The following SCAPER variants were observed in gnomAD, a reference collection of about 807,000 sequenced individuals.
SCAPER encodes the protein S-phase cyclin A associated protein in the ER.
SCAPER carries 98 observed loss-of-function variants against 182.2 expected under a neutral mutation model. The ratio of observed to expected loss-of-function variants is 0.54; its 90% CI spans 0.46 to 0.64. The LOEUF is 0.64. Among genes scored for constraint, SCAPER ranks in the 30% least tolerant of loss-of-function variants. The pLI, the probability that SCAPER is intolerant of heterozygous loss-of-function variation, is 0.00. For missense variants in SCAPER, 1,432 were observed against 1,690.0 expected (o/e 0.85, Z 2.68); for synonymous variants, 605 against 564.6 (o/e 1.07, Z -1.01).
rs577935876 is a variant in SCAPER at position 76,773,057 on chromosome 15, A to G, written c.1036-1103T>C. ...ATTTAAAGGATATAACATTGTTTAT[A>G]CTGCTATCAACATTATTTATATGTC... On this transcript the variant is annotated intron_variant, in intron 9 of 31. Transcript: ENST00000563290. Among the ~76,000 whole-genome samples, 9 of 152,026 alleles carry G rather than the reference A, an allele frequency of 5.9e-5. No individual in the cohort carries two copies. The East Asian group carries it at 1.7e-3, about 29-fold the overall frequency.
At chr15:76,618,209 G>A (rs994165498) in intron 22 of SCAPER, among the ~76,000 whole-genome samples, 2 of 152,126 alleles carry the variant, frequency 1.3e-5, no homozygotes, top group Non-Finnish European at 2.9e-5. Flanking sequence ...GCAGTGAGTC[G>A]AGATCACGCC....
intron 23 of SCAPER, among the ~76,000 whole-genome samples, chr15:76,552,623 C>T (rs2045873141): frequency 6.6e-6 from 1 of 152,164 alleles, no homozygotes; most frequent in African/African-American, 2.4e-5. Context: ...CCATGGACAC[C>T]TGAGTTGGCA....
intron 21 of SCAPER, among the ~76,000 whole-genome samples, chr15:76,651,610 T>A: frequency 2.6e-5 from 3 of 115,216 alleles, no homozygotes; most frequent in Admixed American, 9.0e-5. Context: ...ATTAAATTAG[T>A]AACAAAGAAC....
At chr15:76,882,755 C>T (rs989330546) in intron 2 of SCAPER, among the ~76,000 whole-genome samples, 5 of 152,194 alleles carry the variant, frequency 3.3e-5, no homozygotes, top group Non-Finnish European at 7.3e-5. Context: ...AGCTCCGCCT[C>T]CCGGGTTCAT....
intron 2 of SCAPER, among the ~76,000 whole-genome samples, chr15:76,883,294 G>T (rs1019293356): frequency 6.6e-6 from 1 of 152,188 alleles, no homozygotes; most frequent in Non-Finnish European, 1.5e-5. Flanking sequence ...TCCTCAATTT[G>T]AGTAGTTTAA....
At chr15:76,596,737 A>G (rs2049530770) in intron 22 of SCAPER, among the ~76,000 whole-genome samples, 1 of 121,452 alleles carries the variant, frequency 8.2e-6, no homozygotes, top group African/African-American at 2.5e-5. Context: ...AGATGCAGAA[A>G]AGGCCTTCGA....
chr15:76,620,519 C>G (rs1298444931), intron 22 of SCAPER, among the ~76,000 whole-genome samples: 1 of 152,096 alleles, frequency 6.6e-6, no homozygotes, highest in African/African-American at 2.4e-5. Context: ...TATTACAATG[C>G]CTAATACTTT....
intron 4 of SCAPER, among the ~76,000 whole-genome samples, chr15:76,849,660 C>T (rs1158749073): frequency 6.6e-6 from 1 of 152,176 alleles, no homozygotes; most frequent in East Asian, 1.9e-4. Flanking sequence ...ACCACACGAC[C>T]AAGGAAGAAG....
chr15:76,405,109 C>CTTTTTTTTTTTTTTTTTTTTTTT (rs35039615), intron 26 of SCAPER, among the ~76,000 whole-genome samples: 1 of 112,418 alleles, frequency 8.9e-6, no homozygotes, highest in Non-Finnish European at 1.8e-5. Flanking sequence ...ACAACTTACA[C>CTTTTTTTTTTTTTTTTTTTTTTT]TTTTTTTTTT....
chr15:76,746,123 G>T (rs1189797260), intron 15 of SCAPER, among the ~76,000 whole-genome samples: 5 of 152,180 alleles, frequency 3.3e-5, no homozygotes, highest in Non-Finnish European at 7.4e-5. Flanking sequence ...AGATGGAGAA[G>T]AAGCATTTGA....
Position 76,434,077 on chromosome 15 carries a change from C to T in SCAPER, c.3311+1G>A, listed in dbSNP as rs199807239. 1 of 1,606,532 alleles carries T rather than the reference C, an allele frequency of 6.2e-7. No homozygotes were observed. On this transcript the variant is annotated splice_donor_variant, in intron 26 of 31. Coordinates refer to ENST00000563290, the MANE Select transcript of SCAPER (RefSeq NM_020843.4). LOFTEE classifies it high-confidence loss of function. ...AGTTTTAAGAACTCTAGCAATTTTA[C>T]CTGATAAGGTCCTGAACTCGATTGT...
chr15:76,795,552 G>C (rs2065266794), intron 7 of SCAPER, 112 bp from the exon 8 acceptor site: 2 of 738,410 alleles, frequency 2.7e-6, no homozygotes, highest in Non-Finnish European at 3.9e-6. Flanking sequence ...CACATATATA[G>C]AATAATAATC....
chr15:76,749,215 C>T (rs1194996786), intron 15 of SCAPER, among the ~76,000 whole-genome samples: 1 of 151,760 alleles, frequency 6.6e-6, no homozygotes, highest in Non-Finnish European at 1.5e-5. Flanking sequence ...ATTTGAAAAT[C>T]AAGCAGTGAA....
intron 21 of SCAPER, among the ~76,000 whole-genome samples, chr15:76,664,951 G>T (rs1380626399): frequency 6.6e-6 from 1 of 152,130 alleles, no homozygotes; most frequent in Non-Finnish European, 1.5e-5. Context: ...AATCCCATGG[G>T]TCAAGCTTCT....
chr15:76,710,079 CT>C (rs1444257791), intron 17 of SCAPER, among the ~76,000 whole-genome samples: 1 of 152,150 alleles, frequency 6.6e-6, no homozygotes, highest in Non-Finnish European at 1.5e-5. Flanking sequence ...AGATCGAACG[CT>C]TTCCCACTAA....
intron 5 of SCAPER, among the ~76,000 whole-genome samples, chr15:76,828,960 C>T (rs774414267): frequency 6.6e-6 from 1 of 152,152 alleles, no homozygotes; most frequent in Non-Finnish European, 1.5e-5. Context: ...TGGGTATTTA[C>T]CCAAAGGAAA....
At chr15:76,353,503 A>G (rs908809591) in intron 30 of SCAPER, among the ~76,000 whole-genome samples, 1 of 152,230 alleles carries the variant, frequency 6.6e-6, no homozygotes, top group Non-Finnish European at 1.5e-5. Flanking sequence ...AAAAAAATCA[A>G]TATAACAGGT....
chr15:76,591,169 C>T (rs1003895544), intron 22 of SCAPER, among the ~76,000 whole-genome samples: 9 of 152,058 alleles, frequency 5.9e-5, no homozygotes, highest in Non-Finnish European at 1.0e-4. Context: ...GTACCTCAAC[C>T]CTTAAATTTA....
chr15:76,529,058 G>A (rs1315828349), intron 23 of SCAPER, among the ~76,000 whole-genome samples: 1 of 152,194 alleles, frequency 6.6e-6, no homozygotes, highest in Admixed American at 6.5e-5. Flanking sequence ...TGTTGTTGTT[G>A]TTTGAGACAG....
Sources: gnomAD v4.1 joint callset for allele counts (sites outside exome capture counted in the v4.1 genomes callset) on GRCh38, gnomAD v4.1.1 for gene constraint, MANE v1.5 for transcripts, NCBI Gene and HGNC (gene_info 2026-07-23, HGNC 2026-07-21) for gene names.